Variants in MAPT observed in about 807,000 individuals in gnomAD.
MAPT encodes the protein microtubule-associated protein tau.
In MAPT, 34 loss-of-function variants were observed where a neutral mutation model predicts 67.9. The ratio of observed to expected loss-of-function variants is 0.50; its 90% CI spans 0.38 to 0.67. The LOEUF (loss-of-function observed/expected upper bound fraction) is 0.67, where lower values mean the gene tolerates loss of function less well. MAPT is among the 30% of genes least tolerant of loss of function. The probability of loss-of-function intolerance (pLI) is 0.00; values close to 1 mark genes in which losing one functional copy is unlikely to be tolerated. For missense variants in MAPT, 881 were observed against 1,115.2 expected (o/e 0.79, Z 2.99); for synonymous variants, 456 against 464.5 (o/e 0.98, Z 0.23).
rs1334552091 is a variant in MAPT at position 46,027,985 on chromosome 17, C to G, written c.*3814C>G. 6.5e-6 allele frequency: 1 copy of G among 154,226 alleles called. No homozygotes were observed. 9.6% of individuals were successfully genotyped at this position (154,226 alleles called of 1,614,324 possible). ...TCCAAGTAAAGCCACGAGGTCGGGGCGAGGGCAGAGGTGATCACCTGCGTG... is the reference window on the plus strand; with the variant it reads ...TCCAAGTAAAGCCACGAGGTCGGGGGGAGGGCAGAGGTGATCACCTGCGTG... On this transcript the variant is annotated 3_prime_UTR_variant, in exon 13 of 13. Transcript: ENST00000262410.
intron 2 of MAPT, among the ~76,000 whole-genome samples, chr17:45,963,833 C>T (rs2070733649): frequency 6.6e-6 from 1 of 152,086 alleles, no homozygotes; most frequent in Non-Finnish European, 1.5e-5. Flanking sequence ...GGAGAGGTTC[C>T]AGGACTGGTT....
At chr17:45,899,278 G>A (rs62056792) in intron 1 of MAPT, among the ~76,000 whole-genome samples, 21,829 of 152,220 alleles carry the variant, frequency 0.14, 2,137 homozygotes, top group Middle Eastern at 0.22. Flanking sequence ...ATCCTACAAG[G>A]AAGGCACAGG....
intron 2 of MAPT, among the ~76,000 whole-genome samples, chr17:45,970,083 CCCATCCATCCAT>C (rs137876410): frequency 8.3e-5 from 12 of 145,110 alleles, no homozygotes; most frequent in Non-Finnish European, 1.8e-4. Flanking sequence ...CATCTATCCA[CCCATCCATCCAT>C]CCATCCATCC....
At chr17:45,993,961 G>T (rs1465285260) in intron 8 of MAPT, 1 of 1,575,316 alleles carries the variant, frequency 6.3e-7, no homozygotes, top group Non-Finnish European at 8.6e-7. Flanking sequence ...CCCCTGCAGG[G>T]CCCAGATCTG....
chr17:45,944,907 A>G (rs1447868424), intron 1 of MAPT, among the ~76,000 whole-genome samples: 1 of 152,084 alleles, frequency 6.6e-6, no homozygotes, highest in Non-Finnish European at 1.5e-5. Flanking sequence ...CTCACTCCCA[A>G]CAGACTTCCC....
intron 9 of MAPT, among the ~76,000 whole-genome samples, chr17:46,005,410 C>G (rs924499300): frequency 6.6e-6 from 1 of 152,064 alleles, no homozygotes; most frequent in African/African-American, 2.4e-5. Context: ...GTTCCCACTC[C>G]TTTCTGAAAG....
At chr17:46,017,628 AT>A (rs951884700) in intron 11 of MAPT, among the ~76,000 whole-genome samples, 47 of 141,634 alleles carry the variant, frequency 3.3e-4, no homozygotes, top group Admixed American at 4.2e-4. Context: ...TAATTTTTGT[AT>A]TTTTTTTTTA....
intron 1 of MAPT, among the ~76,000 whole-genome samples, chr17:45,923,950 G>A (rs952066457): frequency 1.3e-5 from 2 of 152,232 alleles, no homozygotes; most frequent in Admixed American, 6.5e-5. Flanking sequence ...AGAATTAAAT[G>A]AATTAAGATG....
intron 1 of MAPT, among the ~76,000 whole-genome samples, chr17:45,946,615 A>AAAAT: frequency 1.0e-5 from 1 of 100,408 alleles, no homozygotes; most frequent in African/African-American, 4.4e-5. Flanking sequence ...AAAAAAAAAA[A>AAAAT]ATATATATAT....
chr17:45,900,180 G>A (rs1036412396), intron 1 of MAPT, among the ~76,000 whole-genome samples: 4 of 152,164 alleles, frequency 2.6e-5, no homozygotes, highest in African/African-American at 9.7e-5. Context: ...ACTTCCTGGG[G>A]CCCAGGCTTT....
chr17:46,001,294 T>G (rs187499148), intron 9 of MAPT, among the ~76,000 whole-genome samples: 2 of 150,016 alleles, frequency 1.3e-5, no homozygotes, highest in Non-Finnish European at 3.0e-5. Context: ...GATTTCATAG[T>G]TTTAAATACT....
intron 1 of MAPT, among the ~76,000 whole-genome samples, chr17:45,909,125 G>A (rs921527048): frequency 6.6e-6 from 1 of 152,148 alleles, no homozygotes; most frequent in Non-Finnish European, 1.5e-5. Context: ...TAGGAGCTGG[G>A]CAGAGGGCAT....
chr17:46,010,182 G>C lies in MAPT; in HGVS notation c.1999-128G>C. The C allele has an allele frequency of 6.9e-6, 5 of 724,462 alleles. No individual in the cohort carries two copies. Among genetic ancestry groups the C allele is most frequent in the Non-Finnish European group, 1.3e-5 (5 of 396,018 alleles). The allele number at this position is 724,462 out of a possible 1,614,324, so 44.9% of individuals were successfully genotyped here. A position where few individuals can be genotyped will look rare whatever the true frequency, so the allele number is the denominator to read the frequency against. On this transcript the variant is annotated intron_variant, in intron 9 of 12. Coordinates refer to ENST00000262410, the MANE Select transcript of MAPT (RefSeq NM_001377265.1). This position sits in a 1 kb window ranked among gnomAD's most constrained non-coding sequence, Gnocchi z 4.7. ...GCCTCTGCCAAGTCCGAAAGTGGAGGCATCCTTGCGAGCAAGTAGGCGGGT... is the reference window on the plus strand; with the variant it reads ...GCCTCTGCCAAGTCCGAAAGTGGAGCCATCCTTGCGAGCAAGTAGGCGGGT...
rs545400674 is a variant in MAPT, at chr17:45,983,440, G to A, written c.861G>A (p.Pro287=). The A allele has an allele frequency of 3.3e-5, 53 of 1,606,588 alleles. 1 individual carries two copies. The highest frequency in any genetic ancestry group is 2.7e-4 in the South Asian group (24 of 90,564). The change falls in exon 5 of 13, where the codon CCG becomes CCA. Residue 287 remains proline (P), a synonymous_variant. Transcript: ENST00000262410. ...AGGGGGCAGGGGGCAAAGAGAGGCC[G>A]GGGAGCAAGGAGGAGGTGGATGAAG... is the stretch of plus-strand genomic sequence containing the variant. ...PLKGAGGKER[P]GSKEEVDEDR... is the part of the protein sequence containing the mutation.
intron 1 of MAPT, 124 bp from the exon 2 acceptor site, chr17:45,962,197 A>G: frequency 1.3e-6 from 1 of 769,576 alleles, no homozygotes; most frequent in Non-Finnish European, 2.2e-6. Context: ...CAACTGTTAG[A>G]GAGGGTAGCA....
intron 2 of MAPT, among the ~76,000 whole-genome samples, chr17:45,963,149 G>A (rs2070643109): frequency 6.6e-6 from 1 of 152,094 alleles, no homozygotes; most frequent in Admixed American, 6.5e-5. Flanking sequence ...GGCCTGAGTG[G>A]CCTCTCTTTA....
In MAPT at chr17:45,903,938, A is replaced by ATATATTT. The variant is rs1568133107; in HGVS notation, c.-18+9257_-18+9258insTTTATAT. 4.9e-3 allele frequency among the ~76,000 whole-genome samples: 113 copies of ATATATTT among 22,884 alleles called. 8 individuals are homozygous for ATATATTT. Among genetic ancestry groups the ATATATTT allele is most frequent in the African/African-American group, 0.018 (110 of 5,982 alleles). The allele number at this position is 22,884 out of a possible 152,430, so 15.0% of individuals were successfully genotyped here. A position where few individuals can be genotyped will look rare whatever the true frequency, so the allele number is the denominator to read the frequency against. On this transcript the variant is annotated intron_variant, in intron 1 of 12. Transcript: ENST00000262410. ...ATATATTTATATATATTATATATTT[A>ATATATTT]TATATAATATATATTATATATTATA...
At chr17:45,930,903 G>A (rs2066794916) in intron 1 of MAPT, among the ~76,000 whole-genome samples, 1 of 152,146 alleles carries the variant, frequency 6.6e-6, no homozygotes, top group African/African-American at 2.4e-5. Context: ...CTGTTTCCGG[G>A]GCTGAGTGGG....
At chr17:45,920,909 C>A (rs902173925) in intron 1 of MAPT, among the ~76,000 whole-genome samples, 3 of 152,188 alleles carry the variant, frequency 2.0e-5, no homozygotes, top group Non-Finnish European at 4.4e-5. Flanking sequence ...GCACCTGGCA[C>A]GCCGTGTATA....
Sources: allele counts gnomAD v4.1 joint callset (sites outside exome capture counted in the v4.1 genomes callset), GRCh38; gene constraint gnomAD v4.1.1; non-coding constraint Gnocchi (gnomAD v3.1); transcripts MANE v1.5; gene names NCBI Gene and HGNC (gene_info 2026-07-23, HGNC 2026-07-21).